Variants in OLFM4 observed in about 807,000 individuals in gnomAD.
OLFM4 encodes olfactomedin 4.
OLFM4 carries 22 observed loss-of-function variants against 25.5 expected under a neutral mutation model. That is an observed-to-expected ratio of 0.86 (90% CI 0.62 to 1.23). OLFM4 has a LOEUF of 1.23. Among genes scored for constraint, OLFM4 ranks in the 50% most tolerant of loss-of-function variants. The pLI is 0.00. For missense variants in OLFM4, 594 were observed against 619.4 expected (o/e 0.96, Z 0.44); for synonymous variants, 255 against 237.7 (o/e 1.07, Z -0.67).
At chr13:53,042,702 T>C (rs933671712) in intron 3 of OLFM4, among the ~76,000 whole-genome samples, 3 of 152,224 alleles carry the variant, frequency 2.0e-5, no homozygotes, top group Non-Finnish European at 4.4e-5. Flanking sequence ...ACATGGGCTA[T>C]AATTGAGAAT....
chr13:53,042,422 G>T (rs4886118), intron 3 of OLFM4, among the ~76,000 whole-genome samples: 79,098 of 151,982 alleles, frequency 0.52, 20,981 homozygotes, highest in East Asian at 0.69. Context: ...GTTGAACAAC[G>T]GTTCATGGCC....
rs140506504 is a variant in OLFM4 at position 53,049,354 on chromosome 13, A to G, written c.731-615A>G. 9.3e-4 allele frequency among the ~76,000 whole-genome samples: 141 copies of G among 152,242 alleles called. 1 individual carries two copies. The highest frequency in any genetic ancestry group is 3.2e-3 in the African/African-American group (133 of 41,546). On this transcript the variant is annotated intron_variant, in intron 4 of 4. Coordinates refer to ENST00000219022, the MANE Select transcript of OLFM4 (RefSeq NM_006418.5). ...CATCTTTCTGGATCTATAAAATGCTATATTTAAAACATCCTCTTCTGAGAA... is the reference window on the plus strand; with the variant it reads ...CATCTTTCTGGATCTATAAAATGCTGTATTTAAAACATCCTCTTCTGAGAA...
At chr13:53,037,759 C>A (rs558491035) in intron 2 of OLFM4, among the ~76,000 whole-genome samples, 2 of 152,246 alleles carry the variant, frequency 1.3e-5, no homozygotes, top group East Asian at 3.9e-4. Context: ...GTTACGTTTA[C>A]TTTGAAACAT....
Position 53,050,194 on chromosome 13 carries a change from G to A in OLFM4, c.956G>A (p.Arg319Gln), listed in dbSNP as rs144683972. The change falls in exon 5 of 5, where the codon CGA (arginine) becomes CAA (glutamine). Residue 319 changes from arginine (R) to glutamine (Q), a missense_variant. By Grantham distance (43) the Arg-to-Gln change is conservative. Transcript: ENST00000219022. Reference sequence around the variant, plus strand: ...GATTTGCTATTGTATATAAATGCTCGAGAGTTGCGGATCACCTATGGCCAA... The same window carrying A: ...GATTTGCTATTGTATATAAATGCTCAAGAGTTGCGGATCACCTATGGCCAA... Reference protein sequence around the residue: ...LDDLLLYINARELRITYGQGS... With the variant: ...LDDLLLYINAQELRITYGQGS... 1.0e-4 allele frequency: 164 copies of A among 1,613,948 alleles called. 1 individual carries two copies. The highest frequency in any genetic ancestry group is 3.3e-4 in the Middle Eastern group (2 of 6,062).
intron 3 of OLFM4, 21 bp downstream of exon 3, chr13:53,042,143 T>C: frequency 1.2e-6 from 2 of 1,605,174 alleles, no homozygotes; most frequent in Non-Finnish European, 1.7e-6. Flanking sequence ...AACTCACTTC[T>C]TGGTAAATTA....
At chr13:53,032,395 T>C (rs938776647) in intron 1 of OLFM4, among the ~76,000 whole-genome samples, 4 of 152,198 alleles carry the variant, frequency 2.6e-5, no homozygotes, top group African/African-American at 9.6e-5. Flanking sequence ...CAAAAGTCCT[T>C]GATATGTCGG....
intron 2 of OLFM4, 122 bp downstream of exon 2, chr13:53,034,622 T>C (rs2298232): frequency 0.5 from 420,289 of 842,438 alleles, 108,508 homozygotes; most frequent in East Asian, 0.7. Context: ...TATTCTATGG[T>C]GATTTTAGTA....
intron 2 of OLFM4, among the ~76,000 whole-genome samples, chr13:53,038,065 T>G (rs909090662): frequency 6.6e-6 from 1 of 152,150 alleles, no homozygotes; most frequent in Non-Finnish European, 1.5e-5. Flanking sequence ...AAGGCTCAAC[T>G]AAAACATAGA....
intron 4 of OLFM4, among the ~76,000 whole-genome samples, chr13:53,044,794 G>T (rs1954706890): frequency 6.6e-6 from 1 of 152,184 alleles, no homozygotes; most frequent in African/African-American, 2.4e-5. Context: ...TGTAGCAAAT[G>T]AGAGCTGTTT....
chr13:53,045,934 C>T (rs778863227), intron 4 of OLFM4, among the ~76,000 whole-genome samples: 4 of 152,064 alleles, frequency 2.6e-5, no homozygotes, highest in South Asian at 4.1e-4. Context: ...CAAATGTGAT[C>T]GGGTGCTCAG....
intron 2 of OLFM4, among the ~76,000 whole-genome samples, chr13:53,039,214 A>C (rs1954675153): frequency 6.6e-6 from 1 of 152,270 alleles, no homozygotes. Context: ...ATTTGTTCCA[A>C]GAGCTGGCAA....
intron 4 of OLFM4, among the ~76,000 whole-genome samples, chr13:53,046,214 C>T (rs534932640): frequency 2.6e-5 from 4 of 152,150 alleles, no homozygotes; most frequent in Non-Finnish European, 5.9e-5. Context: ...GTTCAGTTGC[C>T]CAGTTGAGAG....
At chr13:53,047,566 C>T (rs768987634) in intron 4 of OLFM4, among the ~76,000 whole-genome samples, 2 of 152,002 alleles carry the variant, frequency 1.3e-5, no homozygotes, top group South Asian at 2.1e-4. Flanking sequence ...AACAAATGAA[C>T]AGGAAAGTGT....
Position 53,050,522 on chromosome 13 carries a change from A to G in OLFM4, c.1284A>G (p.Pro428=), listed in dbSNP as rs1183142112. 6.8e-6 allele frequency: 11 copies of G among 1,613,892 alleles called. No homozygotes were observed. Among genetic ancestry groups the G allele is most frequent in the Non-Finnish European group, 9.3e-6 (11 of 1,179,948 alleles). The change falls in exon 5 of 5, where the codon CCA becomes CCG. Residue 428 remains proline (P), a synonymous_variant. Coordinates refer to ENST00000219022, the MANE Select transcript of OLFM4 (RefSeq NM_006418.5). Reference sequence around the variant, plus strand: ...CTTGGTATACCAAGCAGTATAAACCATCTGCTTCTAACGCCTTCATGGTAT... The same window carrying G: ...CTTGGTATACCAAGCAGTATAAACCGTCTGCTTCTAACGCCTTCATGGTAT... The part of the protein sequence containing the change: ...LNTWYTKQYK[P]SASNAFMVCG...
intron 2 of OLFM4, among the ~76,000 whole-genome samples, chr13:53,036,682 TC>T (rs1343124145): frequency 1.3e-5 from 2 of 152,202 alleles, no homozygotes; most frequent in African/African-American, 4.8e-5. Flanking sequence ...ATTTATATAA[TC>T]GATTTAGTGT....
At chr13:53,038,179 G>T (rs1954669006) in intron 2 of OLFM4, among the ~76,000 whole-genome samples, 1 of 152,158 alleles carries the variant, frequency 6.6e-6, no homozygotes, top group East Asian at 1.9e-4. Flanking sequence ...TTGATAGAAT[G>T]TTTAGCAGCG....
intron 4 of OLFM4, 94 bp from the exon 5 acceptor site, chr13:53,049,875 T>G: frequency 7.6e-7 from 1 of 1,324,210 alleles, no homozygotes; most frequent in Middle Eastern, 2.1e-4. Context: ...AGGAAAAATA[T>G]TTATAGATTC....
At chr13:53,035,886 A>G (rs1954655787) in intron 2 of OLFM4, among the ~76,000 whole-genome samples, 1 of 152,214 alleles carries the variant, frequency 6.6e-6, no homozygotes, top group Non-Finnish European at 1.5e-5. Context: ...TTTCAGCCCA[A>G]GTTAAAAATC....
intron 1 of OLFM4, among the ~76,000 whole-genome samples, chr13:53,030,977 A>G (rs567406299): frequency 2.6e-4 from 40 of 152,338 alleles, no homozygotes; most frequent in African/African-American, 7.5e-4. Context: ...ATAATTTATT[A>G]TGAAGCTCCA....
Sources: gnomAD v4.1 joint callset for allele counts (sites outside exome capture counted in the v4.1 genomes callset) on GRCh38, gnomAD v4.1.1 for gene constraint, MANE v1.5 for transcripts, NCBI Gene and HGNC (gene_info 2026-07-23, HGNC 2026-07-21) for gene names.